Variants in DHX32 observed in about 807,000 individuals in gnomAD.
DHX32 encodes DEAH-box helicase 32 (putative).
In DHX32, 51 loss-of-function variants were observed where a neutral mutation model predicts 70.0. The ratio of observed to expected loss-of-function variants is 0.73; its 90% confidence interval spans 0.58 to 0.92. The LOEUF (loss-of-function observed/expected upper bound fraction) is 0.92. Among genes scored for constraint, DHX32 ranks in the 40% least tolerant of loss-of-function variants. The pLI is 0.00. For missense variants in DHX32, 762 were observed against 891.8 expected (o/e 0.85, Z 1.85); for synonymous variants, 310 against 315.3 (o/e 0.98, Z 0.18).
upstream of DHX32, among the ~76,000 whole-genome samples, chr10:125,884,790 T>TG (rs917331922): frequency 8.1e-5 from 12 of 148,736 alleles, no homozygotes; most frequent in Middle Eastern, 0.01. Flanking sequence ...CTTTTGTGTG[T>TG]TTTTTTTTTC....
chr10:125,895,795 C>G (rs1183170757), intron 1 of DHX32, among the ~76,000 whole-genome samples: 1 of 152,218 alleles, frequency 6.6e-6, no homozygotes, highest in African/African-American at 2.4e-5. Context: ...TGAAATGGGA[C>G]ACGGGGATGA....
At chr10:125,890,821 A>G (rs1461676171) in intron 1 of DHX32, 1 of 152,206 alleles carries the variant, frequency 6.6e-6, no homozygotes, top group Non-Finnish European at 1.5e-5. Flanking sequence ...CTGTAATCCC[A>G]TCCTTTTGGG....
At chr10:125,875,741 A>T (rs1416775411) in intron 1 of DHX32, among the ~76,000 whole-genome samples, 1 of 152,218 alleles carries the variant, frequency 6.6e-6, no homozygotes, top group Non-Finnish European at 1.5e-5. Context: ...TATGATGGTG[A>T]AGGAGATCTG....
chr10:125,878,690 GT>G (rs552211914), intron 1 of DHX32, among the ~76,000 whole-genome samples: 3 of 147,862 alleles, frequency 2.0e-5, no homozygotes, highest in Admixed American at 6.7e-5. Context: ...TTTTCTTGGT[GT>G]TTTTTTTTGT....
At chr10:125,875,260 T>C (rs1944277654) in intron 1 of DHX32, among the ~76,000 whole-genome samples, 1 of 152,000 alleles carries the variant, frequency 6.6e-6, no homozygotes, top group South Asian at 2.1e-4. Context: ...AATAGGTACT[T>C]AGTGTCCAGA....
chr10:125,850,154 A>T (rs1000844451), intron 6 of DHX32, among the ~76,000 whole-genome samples: 2 of 130,834 alleles, frequency 1.5e-5, no homozygotes, highest in African/African-American at 3.0e-5. Context: ...AAAAAAAAAA[A>T]TTTGTAGAGA....
At chr10:125,852,238 CAGG>C (rs749852001) in intron 6 of DHX32, 52 bp downstream of exon 6, 25 of 1,591,068 alleles carry the variant, frequency 1.6e-5, no homozygotes, top group South Asian at 1.2e-4. Context: ...AGAGAATGGG[CAGG>C]AGAAGGTGAA....
At chr10:125,868,149 C>T (rs899590069) in intron 1 of DHX32, among the ~76,000 whole-genome samples, 1 of 152,120 alleles carries the variant, frequency 6.6e-6, no homozygotes, top group Non-Finnish European at 1.5e-5. Flanking sequence ...TACTCTAGAG[C>T]CATTTTATTT....
At chr10:125,885,440 C>T (rs1297810001), upstream of DHX32, among the ~76,000 whole-genome samples, 1 of 152,004 alleles carries the variant, frequency 6.6e-6, no homozygotes, top group East Asian at 1.9e-4. Context: ...ATCAGAGGAC[C>T]CTCCTAGCCA....
At chr10:125,874,037 GT>G (rs1161681015) in intron 1 of DHX32, among the ~76,000 whole-genome samples, 2 of 152,182 alleles carry the variant, frequency 1.3e-5, no homozygotes, top group Non-Finnish European at 2.9e-5. Flanking sequence ...TTCTAGAGAT[GT>G]TTTTCTCTCT....
At chr10:125,850,467 C>T (rs1041413993) in intron 6 of DHX32, among the ~76,000 whole-genome samples, 2 of 150,982 alleles carry the variant, frequency 1.3e-5, no homozygotes, top group Non-Finnish European at 2.9e-5. Flanking sequence ...AAGTGATTCT[C>T]CTGCCTCAGC....
At chr10:125,873,149 G>A (rs914869358) in intron 1 of DHX32, among the ~76,000 whole-genome samples, 4 of 152,198 alleles carry the variant, frequency 2.6e-5, no homozygotes, top group African/African-American at 4.8e-5. Context: ...TCACGTATCC[G>A]TGTATGGTCT....
At position 125,841,295 on chromosome 10, in the gene DHX32, G is replaced by A. The variant is rs768577031; in HGVS notation, c.1544-299C>T. On this transcript the variant is annotated intron_variant, in intron 7 of 10. Transcript: ENST00000284690. ...GAGGTGCTTGGAGGTCCAGACACAAGAAGAGGATTGGAACCAGTTCCGATA... is the reference window on the plus strand; with the variant it reads ...GAGGTGCTTGGAGGTCCAGACACAAAAAGAGGATTGGAACCAGTTCCGATA... 2.5e-6 allele frequency: 4 copies of A among 1,614,152 alleles called. No homozygotes were observed. The East Asian group carries it at 8.9e-5, about 36-fold the overall frequency.
At chr10:125,885,735 A>T (rs1034313776), upstream of DHX32, among the ~76,000 whole-genome samples, 2 of 152,154 alleles carry the variant, frequency 1.3e-5, no homozygotes, top group African/African-American at 4.8e-5. Flanking sequence ...AGCAATAGAA[A>T]ACTAATATAT....
At chr10:125,892,228 T>C (rs1471392057) in intron 1 of DHX32, among the ~76,000 whole-genome samples, 1 of 152,284 alleles carries the variant, frequency 6.6e-6, no homozygotes, top group African/African-American at 2.4e-5. Context: ...AATTCTACCT[T>C]TTTTAGTGGC....
At chr10:125,886,129 A>G (rs1458959448), upstream of DHX32, among the ~76,000 whole-genome samples, 1 of 152,258 alleles carries the variant, frequency 6.6e-6, no homozygotes, top group Non-Finnish European at 1.5e-5. Flanking sequence ...ACCATGGCAG[A>G]TGCCTGCCTC....
chr10:125,856,913 C>T (rs905246292), intron 3 of DHX32, among the ~76,000 whole-genome samples: 1 of 152,206 alleles, frequency 6.6e-6, no homozygotes, highest in Non-Finnish European at 1.5e-5. Context: ...CAAGATCACA[C>T]CACTGCACTC....
At chr10:125,852,516 A>T (rs1333320643) in intron 5 of DHX32, 27 bp downstream of exon 5, 1 of 1,613,198 alleles carries the variant, frequency 6.2e-7, no homozygotes, top group Admixed American at 1.7e-5. Context: ...AATTGACAAC[A>T]TTTAGTATTT....
chr10:125,882,609 C>T (rs1298076181), upstream of DHX32, among the ~76,000 whole-genome samples: 1 of 152,136 alleles, frequency 6.6e-6, no homozygotes, highest in East Asian at 1.9e-4. Flanking sequence ...ACCAGAGAGG[C>T]AGAAGAACTT....
Sources: gnomAD v4.1 joint callset for allele counts (sites outside exome capture counted in the v4.1 genomes callset) on GRCh38, gnomAD v4.1.1 for gene constraint, MANE v1.5 for transcripts, NCBI Gene and HGNC (gene_info 2026-07-23, HGNC 2026-07-21) for gene names.